Variants in SESTD1 observed in about 807,000 individuals in gnomAD.
SESTD1 encodes SEC14 and spectrin domain containing 1.
In SESTD1, 43 loss-of-function variants were observed where a neutral mutation model predicts 101.7. The ratio of observed to expected loss-of-function variants is 0.42; its 90% CI spans 0.33 to 0.55. SESTD1 has a LOEUF of 0.55. SESTD1 is among the 20% of genes least tolerant of loss of function. SESTD1 has a pLI of 0.07. For synonymous variants in SESTD1, 283 were observed against 286.8 expected (o/e 0.99, Z 0.13); for missense variants, 647 against 815.1 (o/e 0.79, Z 2.51).
At chr2:179,114,710 C>CA (rs1224242155) in intron 16 of SESTD1, among the ~76,000 whole-genome samples, 1 of 151,816 alleles carries the variant, frequency 6.6e-6, no homozygotes, top group African/African-American at 2.4e-5. Context: ...TAGCAGTTGC[C>CA]AAAGCAAAAA....
At chr2:179,183,983 T>C (rs2046165406) in intron 2 of SESTD1, among the ~76,000 whole-genome samples, 1 of 152,040 alleles carries the variant, frequency 6.6e-6, no homozygotes, top group African/African-American at 2.4e-5. Flanking sequence ...TGAGGAATGA[T>C]CTGAGTTAAC....
intron 1 of SESTD1, among the ~76,000 whole-genome samples, chr2:179,249,594 T>C (rs2047285040): frequency 6.6e-6 from 1 of 152,190 alleles, no homozygotes; most frequent in South Asian, 2.1e-4. Flanking sequence ...TCTCTGAATT[T>C]ATATGAGTTA....
intron 1 of SESTD1, among the ~76,000 whole-genome samples, chr2:179,221,323 A>C (rs1334687333): frequency 6.6e-6 from 1 of 151,774 alleles, no homozygotes; most frequent in East Asian, 1.9e-4. Flanking sequence ...TTAAAAAAAA[A>C]AAAATGGGGC....
intron 8 of SESTD1, 50 bp downstream of exon 8, chr2:179,146,352 A>T: frequency 1.4e-6 from 2 of 1,466,956 alleles, no homozygotes; most frequent in Non-Finnish European, 1.9e-6. Flanking sequence ...TGAACGAATC[A>T]ATCCAATTGG....
chr2:179,121,350 T>C (rs977498748), intron 13 of SESTD1, among the ~76,000 whole-genome samples: 2 of 152,146 alleles, frequency 1.3e-5, no homozygotes, highest in African/African-American at 2.4e-5. Context: ...CTACAGCAAA[T>C]ATGAGAACAA....
intron 17 of SESTD1, among the ~76,000 whole-genome samples, chr2:179,111,867 C>A (rs1415701230): frequency 6.6e-6 from 1 of 151,874 alleles, no homozygotes; most frequent in African/African-American, 2.4e-5. Context: ...CTACAGGCAC[C>A]CGCCACCACG....
At position 179,107,680 on chromosome 2, in the gene SESTD1, CAG is replaced by C. The variant is rs769271734; in HGVS notation, c.*2217_*2218del. 5.9e-5 allele frequency: 9 copies of C among 152,056 alleles called. No homozygotes were observed. The highest frequency in any genetic ancestry group is 1.3e-4 in the Non-Finnish European group (9 of 68,006). 9.4% of individuals were successfully genotyped at this position (152,056 alleles called of 1,614,324 possible). ...AAACATACTTCAGACTGCAATGTAA[CAG>C]GGATTATTACTAATGCCTATAATAC... is the stretch of plus-strand genomic sequence containing the variant. On this transcript the variant is annotated 3_prime_UTR_variant, in exon 18 of 18. Transcript: ENST00000428443.
chr2:179,251,084 T>C (rs10194420), intron 1 of SESTD1, among the ~76,000 whole-genome samples: 44,385 of 151,986 alleles, frequency 0.29, 6,837 homozygotes, highest in South Asian at 0.43. Flanking sequence ...TACTACTCAG[T>C]AATTAAAAAG....
At chr2:179,118,052 C>A (rs1225217895) in intron 13 of SESTD1, among the ~76,000 whole-genome samples, 2 of 152,050 alleles carry the variant, frequency 1.3e-5, no homozygotes, top group African/African-American at 4.8e-5. Flanking sequence ...CTCACTATAA[C>A]CTCAAACTCC....
In SESTD1 at chr2:179,110,019, T is replaced by C. The variant is rs2044470700; in HGVS notation, c.1971A>G (p.Gln657=). The C allele has an allele frequency of 1.9e-6, 3 of 1,613,568 alleles. No individual in the cohort carries two copies. The highest frequency in any genetic ancestry group is 1.7e-6 in the Non-Finnish European group (2 of 1,179,764). The change falls in exon 18 of 18, where the codon CAA becomes CAG. Residue 657 remains glutamine (Q), a synonymous_variant. Coordinates refer to ENST00000428443, the MANE Select transcript of SESTD1 (RefSeq NM_178123.5). The stretch of plus-strand genomic sequence containing the variant: ...CCATGTCACTTGGACTCCCAAAATA[T>C]TGTTCGGTTCTAAAAATCAAAACAC... ...VPVVYPDGTE[Q]YFGSPSDMAS... is the part of the protein sequence containing the mutation.
intron 3 of SESTD1, among the ~76,000 whole-genome samples, chr2:179,181,259 TCAGTTACC>T (rs2046104170): frequency 1.3e-5 from 2 of 152,180 alleles, no homozygotes; most frequent in African/African-American, 4.8e-5. Flanking sequence ...TTAGCCTCCC[TCAGTTACC>T]CAGTGCCTCG....
intron 16 of SESTD1, among the ~76,000 whole-genome samples, chr2:179,113,089 A>G (rs1230582876): frequency 6.6e-6 from 1 of 152,260 alleles, no homozygotes; most frequent in Non-Finnish European, 1.5e-5. Context: ...AATGAAATAC[A>G]TAATTCCTAC....
chr2:179,133,218 C>T (rs2045051948), intron 9 of SESTD1, among the ~76,000 whole-genome samples: 1 of 152,096 alleles, frequency 6.6e-6, no homozygotes, highest in Non-Finnish European at 1.5e-5. Flanking sequence ...ATATGGGAGA[C>T]ACTCTGGCAT....
chr2:179,222,857 G>A (rs1488761787), intron 1 of SESTD1, among the ~76,000 whole-genome samples: 1 of 152,122 alleles, frequency 6.6e-6, no homozygotes, highest in Non-Finnish European at 1.5e-5. Flanking sequence ...TCTGTCCAGT[G>A]CTTCTCTCCA....
chr2:179,172,296 T>C, intron 4 of SESTD1, 63 bp from the exon 5 acceptor site: 1 of 1,114,922 alleles, frequency 9.0e-7, no homozygotes. Context: ...ACTAAATTTA[T>C]AAATTACCAG....
At position 179,136,752 on chromosome 2, in the gene SESTD1, G is replaced by A. The variant is rs1242487734; in HGVS notation, c.850-4326C>T. The stretch of plus-strand genomic sequence containing the variant: ...AATAATCTAGAAACAAAAGAAGCAG[G>A]TTAATATAAATCGTGATAGCTGGGG... On this transcript the variant is annotated intron_variant, in intron 9 of 17. Coordinates refer to ENST00000428443, the MANE Select transcript of SESTD1 (RefSeq NM_178123.5). 6.6e-5 allele frequency among the ~76,000 whole-genome samples: 10 copies of A among 152,160 alleles called. No homozygotes were observed. The East Asian group carries it at 1.7e-3, about 26-fold the overall frequency.
intron 10 of SESTD1, among the ~76,000 whole-genome samples, chr2:179,127,658 T>C (rs1318677544): frequency 1.3e-5 from 2 of 152,202 alleles, no homozygotes; most frequent in Admixed American, 6.5e-5. Flanking sequence ...AGGACAGCCC[T>C]TACGACAGAC....
At chr2:179,184,128 G>C (rs11687139) in intron 2 of SESTD1, among the ~76,000 whole-genome samples, 98,225 of 151,864 alleles carry the variant, frequency 0.65, 32,873 homozygotes, top group East Asian at 0.85. Context: ...TTCCATGTAC[G>C]TTCAAGTCCC....
chr2:179,143,645 T>C lies in SESTD1; in HGVS notation c.796A>G (p.Arg266Gly). Reference protein sequence around the residue: ...EQYTRYQEVCRQRSKRTQLEE... With the variant: ...EQYTRYQEVCGQRSKRTQLEE... ...AACTGTGTGCGCTTGCTACGTTGCC[T>C]ACAAACTTCCTGGTAGCGGGTATAT... The change falls in exon 9 of 18, where the codon AGG (arginine) becomes GGG (glycine). Residue 266 changes from arginine to glycine, a missense_variant. Around this residue, in one of 3 missense-constraint regions of SESTD1, gnomAD observed 476 missense variants for 562.6 expected, o/e 0.85. Coordinates refer to ENST00000428443, the MANE Select transcript of SESTD1 (RefSeq NM_178123.5). The C allele has an allele frequency of 6.2e-7, 1 of 1,614,024 alleles. No individual in the cohort carries two copies. Among genetic ancestry groups the C allele is most frequent in the Non-Finnish European group, 8.5e-7 (1 of 1,179,920 alleles).
Sources: allele counts gnomAD v4.1 joint callset (sites outside exome capture counted in the v4.1 genomes callset), GRCh38; gene constraint gnomAD v4.1.1; regional missense constraint gnomAD v4.1.1; transcripts MANE v1.5; gene names NCBI Gene and HGNC (gene_info 2026-07-23, HGNC 2026-07-21).